Variants in TGIF2 observed in about 807,000 individuals in gnomAD.
TGIF2 encodes the protein homeobox protein TGIF2.
TGIF2 carries 5 observed loss-of-function variants against 15.1 expected under a neutral mutation model. The ratio of observed to expected loss-of-function variants is 0.33; its 90% CI spans 0.17 to 0.70. The LOEUF (loss-of-function observed/expected upper bound fraction) is 0.70, where lower values mean the gene tolerates loss of function less well. Among genes scored for constraint, TGIF2 ranks in the 30% least tolerant of loss-of-function variants. The pLI is 0.67. For missense variants in TGIF2, 264 were observed against 302.5 expected, an observed-to-expected ratio of 0.87 and a Z score of 0.94; for synonymous variants, 131 against 128.9, an observed-to-expected ratio of 1.02 and a Z score of -0.11.
chr20:36,587,059 C>T (rs1298532616), intron 2 of TGIF2, among the ~76,000 whole-genome samples: 1 of 152,188 alleles, frequency 6.6e-6, no homozygotes, highest in Non-Finnish European at 1.5e-5. Flanking sequence ...CTTTGACCTT[C>T]TTCCTACCAT....
chr20:36,582,177 C>T (rs1309398624), intron 2 of TGIF2, among the ~76,000 whole-genome samples: 1 of 151,912 alleles, frequency 6.6e-6, no homozygotes, highest in South Asian at 2.1e-4. Context: ...GCGGAGGTTG[C>T]GGTGAGCCAA....
At chr20:36,587,519 T>C (rs1600780909) in intron 2 of TGIF2, among the ~76,000 whole-genome samples, 2 of 152,072 alleles carry the variant, frequency 1.3e-5, no homozygotes, top group East Asian at 1.9e-4. Context: ...AGCACAGGTA[T>C]GGGAGGAGGC....
chr20:36,589,914 C>G (rs768062851), intron 2 of TGIF2, among the ~76,000 whole-genome samples: 14 of 152,110 alleles, frequency 9.2e-5, no homozygotes, highest in Non-Finnish European at 1.6e-4. Context: ...GTCTGGAACT[C>G]CTGAGCGAAA....
In TGIF2 at chr20:36,593,913, T is replaced by C. The variant is rs1390411232; in HGVS notation, c.*2482T>C. On this transcript the variant is annotated 3_prime_UTR_variant, in exon 3 of 3. Coordinates refer to ENST00000373872, the MANE Select transcript of TGIF2 (RefSeq NM_021809.7). ...TACTGTAAATAACTTTTTTGTCTTTTGTCAAATAAAATTTTTTTTTGTTTT... is the reference window on the plus strand; with the variant it reads ...TACTGTAAATAACTTTTTTGTCTTTCGTCAAATAAAATTTTTTTTTGTTTT... The C allele has an allele frequency of 6.6e-6, 1 of 152,656 alleles. No homozygotes were observed. The highest frequency in any genetic ancestry group is 2.4e-5 in the African/African-American group (1 of 41,462). The allele number at this position is 152,656 out of a possible 1,614,324, so 9.5% of individuals were successfully genotyped here.
Position 36,578,857 on chromosome 20 carries a change from A to G in TGIF2, c.83A>G (p.Glu28Gly), listed in dbSNP as rs2038486034. 1 of 1,614,170 alleles carries G rather than the reference A, an allele frequency of 6.2e-7. No individual in the cohort carries two copies. The highest frequency in any genetic ancestry group is 8.5e-7 in the Non-Finnish European group (1 of 1,180,030). The change falls in exon 2 of 3, where the codon GAG becomes GGG. Residue 28 changes from glutamate (E) to glycine (G), a missense_variant. Transcript: ENST00000373872. ...KRKRRGNLPKESVKILRDWLY... is the reference protein window; with the variant it reads ...KRKRRGNLPKGSVKILRDWLY... Reference sequence around the variant, plus strand: ...AAGCGCAGGGGGAACCTGCCCAAGGAGTCGGTGAAGATCCTCCGGGACTGG... The same window carrying G: ...AAGCGCAGGGGGAACCTGCCCAAGGGGTCGGTGAAGATCCTCCGGGACTGG...
At chr20:36,585,102 C>T (rs980143907) in intron 2 of TGIF2, among the ~76,000 whole-genome samples, 15 of 152,086 alleles carry the variant, frequency 9.9e-5, no homozygotes, top group African/African-American at 3.4e-4. Context: ...GAGGCTGAGG[C>T]AGGAGAATCA....
intron 2 of TGIF2, among the ~76,000 whole-genome samples, chr20:36,584,988 G>C (rs1374570046): frequency 1.3e-5 from 2 of 152,122 alleles, no homozygotes; most frequent in African/African-American, 4.8e-5. Flanking sequence ...CCTGGGGTTG[G>C]AAGTTTGGGA....
intron 2 of TGIF2, among the ~76,000 whole-genome samples, chr20:36,585,995 C>G (rs908099329): frequency 2.0e-5 from 3 of 152,190 alleles, no homozygotes; most frequent in African/African-American, 7.2e-5. Context: ...AGCAGTCCCC[C>G]TGGCGAGGGC....
intron 2 of TGIF2, among the ~76,000 whole-genome samples, chr20:36,583,603 T>TA (rs1239287914): frequency 1.4e-5 from 2 of 140,314 alleles, no homozygotes; most frequent in Admixed American, 7.0e-5. Flanking sequence ...CTACTAAAAA[T>TA]AAAAAAAATT....
At chr20:36,583,229 G>A (rs771909944) in intron 2 of TGIF2, among the ~76,000 whole-genome samples, 1 of 150,946 alleles carries the variant, frequency 6.6e-6, no homozygotes, top group Non-Finnish European at 1.5e-5. Flanking sequence ...CAGTGAGATC[G>A]CACCACTGCA....
chr20:36,580,092 C>A lies in TGIF2; in HGVS notation c.192+1126C>A, dbSNP rs144431977. On this transcript the variant is annotated intron_variant, in intron 2 of 2. Transcript: ENST00000373872. Reference sequence around the variant, plus strand: ...CCTGCCCTGCTGGCCCCCACTGCTCCCTTCCTGAGCCAGTCAAACCTCTCC... The same window carrying A: ...CCTGCCCTGCTGGCCCCCACTGCTCACTTCCTGAGCCAGTCAAACCTCTCC... Among the ~76,000 whole-genome samples, 669 of 152,250 alleles carry A rather than the reference C, an allele frequency of 4.4e-3. 6 individuals carry two copies. Among genetic ancestry groups the A allele is most frequent in the African/African-American group, 0.015 (644 of 41,550 alleles).
intron 2 of TGIF2, among the ~76,000 whole-genome samples, chr20:36,581,028 G>A (rs2038535140): frequency 6.6e-6 from 1 of 151,914 alleles, no homozygotes; most frequent in South Asian, 2.1e-4. Flanking sequence ...TCGGGAGGCT[G>A]AGGCAGGAGA....
At position 36,591,698 on chromosome 20, in the gene TGIF2, T is replaced by C. The variant is rs1384324751; in HGVS notation, c.*267T>C. 4 of 349,750 alleles carry C rather than the reference T, an allele frequency of 1.1e-5. No homozygotes were observed. The highest frequency in any genetic ancestry group is 6.4e-5 in the South Asian group (1 of 15,564). 21.7% of individuals were successfully genotyped at this position (349,750 alleles called of 1,614,324 possible). On this transcript the variant is annotated 3_prime_UTR_variant, in exon 3 of 3. Coordinates refer to ENST00000373872, the MANE Select transcript of TGIF2 (RefSeq NM_021809.7). This position sits in a 1 kb window ranked among gnomAD's most constrained non-coding sequence, Gnocchi z 5.3. ...ACAAGCATGGTGCTGCTGCTTCTGC[T>C]GCTTCTCCAGAAAATCCCTGGGACA...
At chr20:36,590,882 A>G (rs1405802457) in intron 2 of TGIF2, 28 bp from the exon 3 acceptor site, 2 of 1,502,066 alleles carry the variant, frequency 1.3e-6, no homozygotes, top group Non-Finnish European at 1.8e-6. Context: ...GATTAAGCAA[A>G]TTGATCGGTC....
At chr20:36,582,197 A>G (rs2038560079) in intron 2 of TGIF2, among the ~76,000 whole-genome samples, 1 of 152,086 alleles carries the variant, frequency 6.6e-6, no homozygotes, top group African/African-American at 2.4e-5. Flanking sequence ...AGATCATGCC[A>G]TTACACTCCA....
At position 36,582,379 on chromosome 20, in the gene TGIF2, G is replaced by A. The variant is rs6093106; in HGVS notation, c.192+3413G>A. ...AAAAAAACCACTTCTTTTTGCTTTT[G>A]TTCTTATACCTAACCTTAAAATCAA... On this transcript the variant is annotated intron_variant, in intron 2 of 2. Coordinates refer to ENST00000373872, the MANE Select transcript of TGIF2 (RefSeq NM_021809.7). Among the ~76,000 whole-genome samples, 1,231 of 151,584 alleles carry A rather than the reference G, an allele frequency of 8.1e-3. 16 individuals are homozygous for A. The highest frequency in any genetic ancestry group is 0.028 in the African/African-American group (1,170 of 41,376).
intron 1 of TGIF2, among the ~76,000 whole-genome samples, chr20:36,576,156 TC>T (rs2038425480): frequency 6.6e-6 from 1 of 152,054 alleles, no homozygotes; most frequent in Non-Finnish European, 1.5e-5. Context: ...CAGAACTTTG[TC>T]CAGGGACTGA....
intron 2 of TGIF2, among the ~76,000 whole-genome samples, chr20:36,585,513 T>TA (rs1215154506): frequency 1.5e-5 from 2 of 136,700 alleles, no homozygotes; most frequent in African/African-American, 5.5e-5. Context: ...GAGAATATAA[T>TA]AATCAACCAC....
intron 2 of TGIF2, among the ~76,000 whole-genome samples, chr20:36,588,108 C>T (rs976741759): frequency 8.6e-5 from 13 of 151,346 alleles, no homozygotes; most frequent in African/African-American, 2.9e-4. Context: ...GCAGTGGAGG[C>T]CCTAAAGCCA....
Sources: gnomAD v4.1 joint callset for allele counts (sites outside exome capture counted in the v4.1 genomes callset) on GRCh38, gnomAD v4.1.1 for gene constraint, Gnocchi (gnomAD v3.1) non-coding constraint, MANE v1.5 for transcripts, NCBI Gene and HGNC (gene_info 2026-07-23, HGNC 2026-07-21) for gene names.